The following NR3C2 variants were observed in gnomAD, a reference collection of about 807,000 sequenced individuals.
NR3C2 encodes nuclear receptor subfamily 3 group C member 2.
Under a neutral mutation model 86.4 loss-of-function variants are expected in NR3C2, and 15 were observed. The ratio of observed to expected loss-of-function variants is 0.17; its 90% CI spans 0.12 to 0.27. NR3C2 has a LOEUF of 0.27. Among genes scored for constraint, NR3C2 ranks in the 10% least tolerant of loss-of-function variants. The probability of loss-of-function intolerance (pLI) is 1.00; values close to 1 mark genes in which losing one functional copy is unlikely to be tolerated. For missense variants in NR3C2, 960 were observed against 1,195.6 expected (o/e 0.80, Z 2.91); for synonymous variants, 458 against 450.5 (o/e 1.02, Z -0.21).
At position 148,081,334 on chromosome 4, in the gene NR3C2, C is replaced by T. The variant is rs1166952194; in HGVS notation, c.*10G>A. On this transcript the variant is annotated 3_prime_UTR_variant, in exon 9 of 9. Coordinates refer to ENST00000358102, the MANE Select transcript of NR3C2 (RefSeq NM_000901.5). ...AAACTTAAGGCAAAGTTCTTCTGGG[C>T]AGCGGGCAGTCACTTCCGGTGGAAG... 1 of 1,614,188 alleles carries T rather than the reference C, an allele frequency of 6.2e-7. No individual in the cohort carries two copies. Among genetic ancestry groups the T allele is most frequent in the Non-Finnish European group, 8.5e-7 (1 of 1,180,022 alleles).
chr4:148,207,229 A>G (rs1737050176), intron 3 of NR3C2, among the ~76,000 whole-genome samples: 1 of 152,130 alleles, frequency 6.6e-6, no homozygotes, highest in South Asian at 2.1e-4. Context: ...CCTTTTAAAT[A>G]GGTGATACTA....
At chr4:148,350,045 A>T (rs553203331) in intron 2 of NR3C2, among the ~76,000 whole-genome samples, 9 of 152,316 alleles carry the variant, frequency 5.9e-5, no homozygotes, top group African/African-American at 2.2e-4. Flanking sequence ...AATAAAAACA[A>T]ATGGTGCTTA....
chr4:148,316,240 AATAC>A (rs1743165732), intron 2 of NR3C2, among the ~76,000 whole-genome samples: 1 of 152,204 alleles, frequency 6.6e-6, no homozygotes, highest in African/African-American at 2.4e-5. Flanking sequence ...ATTGTAAGGA[AATAC>A]ATATAATATA....
At chr4:148,378,447 T>C (rs1290206543) in intron 2 of NR3C2, among the ~76,000 whole-genome samples, 1 of 151,640 alleles carries the variant, frequency 6.6e-6, no homozygotes, top group East Asian at 1.9e-4. Flanking sequence ...CCAAATCTCA[T>C]GTTGAATTGT....
chr4:148,102,434 C>T (rs1437256773), intron 8 of NR3C2, among the ~76,000 whole-genome samples: 1 of 152,190 alleles, frequency 6.6e-6, no homozygotes. Context: ...TAAACAAGCT[C>T]TTCATCCCCC....
intron 3 of NR3C2, among the ~76,000 whole-genome samples, chr4:148,255,669 C>T (rs879248715): frequency 3.3e-5 from 5 of 152,178 alleles, no homozygotes; most frequent in Non-Finnish European, 5.9e-5. Context: ...GTCTTCCAGA[C>T]ACTGCATACA....
intron 4 of NR3C2, among the ~76,000 whole-genome samples, chr4:148,156,038 C>G (rs1295931956): frequency 3.9e-5 from 6 of 152,124 alleles, no homozygotes; most frequent in Middle Eastern, 3.4e-3. Flanking sequence ...ATAACTGGTG[C>G]TGGGAAAACT....
chr4:148,293,795 T>C (rs1741906864), intron 2 of NR3C2, among the ~76,000 whole-genome samples: 1 of 152,186 alleles, frequency 6.6e-6, no homozygotes, highest in Admixed American at 6.5e-5. Flanking sequence ...ATGTTTGGTA[T>C]CATCATTTCA....
intron 2 of NR3C2, among the ~76,000 whole-genome samples, chr4:148,318,974 T>G (rs538170978): frequency 6.6e-6 from 1 of 151,652 alleles, no homozygotes; most frequent in East Asian, 1.9e-4. Context: ...TGAATGGTAA[T>G]GCCTAGGTTT....
intron 3 of NR3C2, among the ~76,000 whole-genome samples, chr4:148,252,579 G>C (rs1739630011): frequency 6.6e-6 from 1 of 152,134 alleles, no homozygotes; most frequent in Non-Finnish European, 1.5e-5. Context: ...AAAAGAGCAG[G>C]CACATTAAAA....
intron 8 of NR3C2, among the ~76,000 whole-genome samples, chr4:148,097,066 A>G (rs1731309236): frequency 6.6e-6 from 1 of 152,226 alleles, no homozygotes; most frequent in South Asian, 2.1e-4. Context: ...ATTAAGTGAT[A>G]TGGTGGTACT....
chr4:148,289,249 AACTTT>A lies in NR3C2; in HGVS notation c.1758-29137_1758-29133del, dbSNP rs147646186. Among the ~76,000 whole-genome samples the A allele has an allele frequency of 4.5e-3, 666 of 146,620 alleles. 3 individuals carry two copies. Among genetic ancestry groups the A allele is most frequent in the Non-Finnish European group, 6.9e-3 (462 of 66,986 alleles). On this transcript the variant is annotated intron_variant, in intron 2 of 8. Coordinates refer to ENST00000358102, the MANE Select transcript of NR3C2 (RefSeq NM_000901.5). ...AGAAGTAAAAAAGTCACAATGTCTG[AACTTT>A]ACTTTTAATATTTACAGCCAAAAAA...
chr4:148,228,847 G>GA (rs1401705369), intron 3 of NR3C2, among the ~76,000 whole-genome samples: 1 of 152,060 alleles, frequency 6.6e-6, no homozygotes, highest in Non-Finnish European at 1.5e-5. Flanking sequence ...AAGGTGTTCA[G>GA]AAAAACATAA....
At chr4:148,177,997 C>T (rs941272491) in intron 4 of NR3C2, among the ~76,000 whole-genome samples, 4 of 152,146 alleles carry the variant, frequency 2.6e-5, no homozygotes, top group Non-Finnish European at 5.9e-5. Flanking sequence ...TGTTTTGGTT[C>T]GTGTGTTTTC....
intron 3 of NR3C2, among the ~76,000 whole-genome samples, chr4:148,255,061 A>G (rs1739763633): frequency 2.6e-5 from 1 of 38,334 alleles, no homozygotes; most frequent in Non-Finnish European, 4.7e-5. Flanking sequence ...TTTGTGGCAC[A>G]AATGCTCACT....
intron 2 of NR3C2, among the ~76,000 whole-genome samples, chr4:148,355,361 G>A (rs9631756): frequency 0.1 from 15,247 of 152,156 alleles, 934 homozygotes; most frequent in Middle Eastern, 0.29. Flanking sequence ...TAACGGCCTT[G>A]CATTTATCAT....
chr4:148,342,734 G>A (rs1049138769), intron 2 of NR3C2, among the ~76,000 whole-genome samples: 4 of 152,216 alleles, frequency 2.6e-5, no homozygotes, highest in Non-Finnish European at 1.5e-5. Flanking sequence ...TAGCATTAAA[G>A]AACTGTGAAA....
intron 3 of NR3C2, among the ~76,000 whole-genome samples, chr4:148,256,783 C>G (rs2149867724): frequency 6.6e-6 from 1 of 152,196 alleles, no homozygotes; most frequent in Admixed American, 6.5e-5. Flanking sequence ...AATAATATGG[C>G]TACTAACTGA....
At chr4:148,116,236 T>C (rs1011794250) in intron 7 of NR3C2, among the ~76,000 whole-genome samples, 1 of 152,238 alleles carries the variant, frequency 6.6e-6, no homozygotes, top group Middle Eastern at 3.2e-3. Context: ...CTGATAGTTG[T>C]AGATCAAAAA....
Sources: gnomAD v4.1 joint callset for allele counts (sites outside exome capture counted in the v4.1 genomes callset) on GRCh38, gnomAD v4.1.1 for gene constraint, MANE v1.5 for transcripts, NCBI Gene and HGNC (gene_info 2026-07-23, HGNC 2026-07-21) for gene names.